GALNT2: variants seen among roughly 807,000 people sequenced by gnomAD.
GALNT2 encodes the protein UDP-GalNAc:polypeptide N-acetylgalactosaminyltransferase 2.
In GALNT2, 31 loss-of-function variants were observed where a neutral mutation model predicts 81.4. The ratio of observed to expected loss-of-function variants is 0.38; its 90% CI spans 0.29 to 0.51. The LOEUF (loss-of-function observed/expected upper bound fraction) is 0.51. Among genes scored for constraint, GALNT2 ranks in the 20% least tolerant of loss-of-function variants. GALNT2 has a pLI of 0.87. For synonymous variants in GALNT2, 303 were observed against 287.4 expected, an observed-to-expected ratio of 1.05 and a Z score of -0.55; for missense variants, 629 against 765.7, an observed-to-expected ratio of 0.82 and a Z score of 2.11.
intron 2 of GALNT2, among the ~76,000 whole-genome samples, chr1:230,192,993 A>G (rs1663576663): frequency 6.6e-6 from 1 of 152,248 alleles, no homozygotes. Flanking sequence ...GTGTAGCATT[A>G]TGACCTTCTA....
At chr1:230,173,391 G>A (rs1287455577) in intron 1 of GALNT2, among the ~76,000 whole-genome samples, 3 of 152,204 alleles carry the variant, frequency 2.0e-5, no homozygotes, top group Non-Finnish European at 4.4e-5. Flanking sequence ...GGTCAGAGCT[G>A]CTGAGCCCTC....
intron 1 of GALNT2, among the ~76,000 whole-genome samples, chr1:230,144,912 G>A (rs907290551): frequency 6.6e-6 from 1 of 152,124 alleles, no homozygotes; most frequent in Non-Finnish European, 1.5e-5. Context: ...GGAAGGATGA[G>A]TTTATCTTTG....
At chr1:230,104,281 G>A (rs796092760) in intron 1 of GALNT2, among the ~76,000 whole-genome samples, 5 of 152,268 alleles carry the variant, frequency 3.3e-5, no homozygotes, top group African/African-American at 1.2e-4. Context: ...AAGGTTAATG[G>A]AACCACTATC....
chr1:230,156,558 C>T (rs1382416164), intron 1 of GALNT2, among the ~76,000 whole-genome samples: 1 of 152,096 alleles, frequency 6.6e-6, no homozygotes, highest in African/African-American at 2.4e-5. Flanking sequence ...TTCCTAGATG[C>T]TGGATATTTT....
At chr1:230,083,603 C>T (rs1326146559) in intron 1 of GALNT2, among the ~76,000 whole-genome samples, 1 of 152,142 alleles carries the variant, frequency 6.6e-6, no homozygotes, top group Non-Finnish European at 1.5e-5. Context: ...CTGATGCTTG[C>T]ATTATGTTAA....
Position 230,268,898 on chromosome 1 carries a change from G to T in GALNT2, c.1440+3531G>T, listed in dbSNP as rs532675098. Among the ~76,000 whole-genome samples the T allele has an allele frequency of 5.8e-4, 88 of 152,316 alleles. 1 individual carries two copies. Among genetic ancestry groups the T allele is most frequent in the Non-Finnish European group, 9.8e-4 (67 of 68,032 alleles). ...ACAGCACAGACCTTTGACACAGAGC[G>T]CCCATTCCTTGCCTCTGCACCAACT... On this transcript the variant is annotated intron_variant, in intron 14 of 15. Transcript: ENST00000366672.
chr1:230,146,207 G>T (rs572174504), intron 1 of GALNT2, among the ~76,000 whole-genome samples: 1 of 152,232 alleles, frequency 6.6e-6, no homozygotes, highest in Admixed American at 6.5e-5. Flanking sequence ...AAAGACTGTA[G>T]TTATTTTTCC....
intron 10 of GALNT2, among the ~76,000 whole-genome samples, chr1:230,254,579 A>G (rs1006294821): frequency 1.3e-4 from 20 of 152,196 alleles, no homozygotes; most frequent in African/African-American, 4.1e-4. Context: ...GCTAATACAC[A>G]GGGACTTGTA....
At chr1:230,263,621 C>T (rs1184470725) in intron 13 of GALNT2, 1 of 152,538 alleles carries the variant, frequency 6.6e-6, no homozygotes, top group East Asian at 1.9e-4. Flanking sequence ...TAAGCGAATA[C>T]GAGCTCCCCA....
intron 1 of GALNT2, among the ~76,000 whole-genome samples, chr1:230,143,669 C>T (rs116199236): frequency 0.01 from 1,568 of 152,342 alleles, 29 homozygotes; most frequent in African/African-American, 0.036. Flanking sequence ...GTCAGCCCCA[C>T]GCTCTTATTA....
At chr1:230,268,667 TAAC>T (rs1666096217) in intron 14 of GALNT2, among the ~76,000 whole-genome samples, 1 of 152,122 alleles carries the variant, frequency 6.6e-6, no homozygotes, top group Non-Finnish European at 1.5e-5. Context: ...GCACAGCTAG[TAAC>T]ACGAGACAGA....
intron 1 of GALNT2, among the ~76,000 whole-genome samples, chr1:230,135,204 G>C (rs1661497488): frequency 6.6e-6 from 1 of 152,040 alleles, no homozygotes; most frequent in African/African-American, 2.4e-5. Flanking sequence ...CTCTCATGGG[G>C]GGTGAGAAAT....
At chr1:230,085,155 A>G (rs1366789341) in intron 1 of GALNT2, among the ~76,000 whole-genome samples, 3 of 151,608 alleles carry the variant, frequency 2.0e-5, no homozygotes, top group Admixed American at 6.6e-5. Flanking sequence ...TTTATTATTA[A>G]CTCTCCTTTC....
rs542131956 is a variant in GALNT2, at chr1:230,060,693, C to T, written n.89+2615C>T. On this transcript the variant is annotated intron_variant and non_coding_transcript_variant, in intron 1 of 6. Coordinates refer to the GALNT2 transcript ENST00000494106. ...GTCTTCTCCAAACAAACCTTTACTGCGATGGTTGTAAGATGGTGATCCACT... is the reference window on the plus strand; with the variant it reads ...GTCTTCTCCAAACAAACCTTTACTGTGATGGTTGTAAGATGGTGATCCACT... 1.8e-4 allele frequency among the ~76,000 whole-genome samples: 27 copies of T among 152,296 alleles called. No individual in the cohort carries two copies. In the South Asian group the frequency reaches 2.7e-3, roughly 15 times the overall value.
chr1:230,144,409 G>A (rs1029808851), intron 1 of GALNT2, among the ~76,000 whole-genome samples: 3 of 152,170 alleles, frequency 2.0e-5, no homozygotes, highest in Non-Finnish European at 2.9e-5. Flanking sequence ...AGCGTCACCC[G>A]CAGCACCAAA....
intron 6 of GALNT2, among the ~76,000 whole-genome samples, chr1:230,238,937 T>C (rs1259061396): frequency 6.6e-6 from 1 of 152,160 alleles, no homozygotes; most frequent in Non-Finnish European, 1.5e-5. Flanking sequence ...TTTTTAAATG[T>C]TTAATAGAAT....
chr1:230,197,385 C>G (rs954704391), intron 2 of GALNT2, among the ~76,000 whole-genome samples: 1 of 152,100 alleles, frequency 6.6e-6, no homozygotes, highest in Non-Finnish European at 1.5e-5. Flanking sequence ...CCCACAGGAC[C>G]CCCATAAAGA....
intron 3 of GALNT2, among the ~76,000 whole-genome samples, chr1:230,205,122 G>T (rs1246826986): frequency 6.6e-6 from 1 of 152,208 alleles, no homozygotes; most frequent in Non-Finnish European, 1.5e-5. Flanking sequence ...GATTGATGGG[G>T]GAGGGAGAGC....
intron 1 of GALNT2, among the ~76,000 whole-genome samples, chr1:230,142,606 TA>T (rs1442347774): frequency 6.6e-6 from 1 of 152,214 alleles, no homozygotes. Flanking sequence ...ACGTGCATAG[TA>T]AGCACCATTT....
Sources: allele counts gnomAD v4.1 joint callset (sites outside exome capture counted in the v4.1 genomes callset), GRCh38; gene constraint gnomAD v4.1.1; transcripts MANE v1.5; gene names NCBI Gene and HGNC (gene_info 2026-07-23, HGNC 2026-07-21).